The following HCRTR2 variants were observed in gnomAD, a reference collection of about 807,000 sequenced individuals.
HCRTR2 encodes hypocretin receptor 2, also known as orexin receptor type 2.
Under a neutral mutation model 49.0 loss-of-function variants are expected in HCRTR2, and 22 were observed. The observed-to-expected ratio is 0.45, with a 90% CI of 0.32 to 0.64. The LOEUF is 0.64. Ranked by LOEUF, HCRTR2 falls within the 30% of genes least tolerant of loss-of-function variation. The probability of loss-of-function intolerance (pLI) is 0.04; values close to 1 mark genes in which losing one functional copy is unlikely to be tolerated. For missense variants in HCRTR2, 491 were observed against 559.4 expected (o/e 0.88, Z 1.23); for synonymous variants, 236 against 205.3 (o/e 1.15, Z -1.28).
intron 4 of HCRTR2, among the ~76,000 whole-genome samples, chr6:55,275,109 C>T (rs1394898026): frequency 6.6e-6 from 1 of 152,090 alleles, no homozygotes; most frequent in Non-Finnish European, 1.5e-5. Flanking sequence ...TTGCCTCTTC[C>T]TCATAACTTT....
chr6:55,282,104 T>G (rs1767201397), intron 6 of HCRTR2, 121 bp from the exon 7 acceptor site: 1 of 714,938 alleles, frequency 1.4e-6, no homozygotes, highest in African/African-American at 1.8e-5. Flanking sequence ...TACCCATCTT[T>G]GCAAAATATT....
intron 1 of HCRTR2, among the ~76,000 whole-genome samples, chr6:55,189,248 G>A (rs372020904): frequency 1.3e-5 from 2 of 152,124 alleles, no homozygotes; most frequent in Non-Finnish European, 2.9e-5. Context: ...TTCCTAAAGG[G>A]AGATTAATTT....
At chr6:55,126,743 G>A (rs1764284293) in intron 1 of HCRTR2, among the ~76,000 whole-genome samples, 1 of 152,114 alleles carries the variant, frequency 6.6e-6, no homozygotes, top group Non-Finnish European at 1.5e-5. Flanking sequence ...TCCCTGACTG[G>A]GGCTGCTGCC....
At chr6:55,280,834 T>C (rs1767176536) in intron 6 of HCRTR2, among the ~76,000 whole-genome samples, 1 of 152,200 alleles carries the variant, frequency 6.6e-6, no homozygotes, top group Non-Finnish European at 1.5e-5. Context: ...TGGGATCTAT[T>C]CACTTTTAGA....
In HCRTR2 at chr6:55,248,627, T is replaced by A; in HGVS notation, c.224-12T>A. ...TTTGTTGAGTGCCTATTCCTTTTTC[T>A]TTTCAAATTAGTTTGTGTGGCAGTG... On this transcript the variant is annotated splice_polypyrimidine_tract_variant and intron_variant, in intron 1 of 6. Coordinates refer to ENST00000370862, the MANE Select transcript of HCRTR2 (RefSeq NM_001384272.1). 6.2e-7 allele frequency: 1 copy of A among 1,610,404 alleles called. No homozygotes were observed. Among genetic ancestry groups the A allele is most frequent in the Non-Finnish European group, 8.5e-7 (1 of 1,176,814 alleles).
At chr6:55,274,704 A>G (rs1233293629) in intron 4 of HCRTR2, among the ~76,000 whole-genome samples, 1 of 152,144 alleles carries the variant, frequency 6.6e-6, no homozygotes, top group Non-Finnish European at 1.5e-5. Context: ...GATTGAGCAA[A>G]TGGTATTATC....
rs953066505 is a variant in HCRTR2 at position 55,224,136 on chromosome 6, T to C, written c.224-24503T>C. ...GTCAATTCAAAGTGTTGTATTTTCT[T>C]AAATAAATTTTGTTTTATAAACATT... On this transcript the variant is annotated intron_variant, in intron 1 of 6. Coordinates refer to ENST00000370862, the MANE Select transcript of HCRTR2 (RefSeq NM_001384272.1). Among the ~76,000 whole-genome samples, 6 of 152,352 alleles carry C rather than the reference T, an allele frequency of 3.9e-5. No homozygotes were observed. In the South Asian group the frequency reaches 1.2e-3, roughly 32 times the overall value.
chr6:55,164,483 A>G (rs1207601071), intron 1 of HCRTR2, among the ~76,000 whole-genome samples: 1 of 152,202 alleles, frequency 6.6e-6, no homozygotes, highest in Non-Finnish European at 1.5e-5. Flanking sequence ...AGTGACATGA[A>G]TGAAGCTGGA....
Position 55,248,550 on chromosome 6 carries a change from T to C in HCRTR2, c.224-89T>C, listed in dbSNP as rs1766488764. 5 of 1,078,680 alleles carry C rather than the reference T, an allele frequency of 4.6e-6. No individual in the cohort carries two copies. The East Asian group carries it at 1.2e-4, about 26-fold the overall frequency. The allele number at this position is 1,078,680 out of a possible 1,614,324, so 66.8% of individuals were successfully genotyped here. On this transcript the variant is annotated intron_variant, in intron 1 of 6. Coordinates refer to ENST00000370862, the MANE Select transcript of HCRTR2 (RefSeq NM_001384272.1). ...ATTATTTTTCTTTTTAAATACATAT[T>C]TGTGGACTTTATAGAAATACTGACA...
chr6:55,184,063 G>C (rs901381556), intron 1 of HCRTR2, among the ~76,000 whole-genome samples: 1 of 152,028 alleles, frequency 6.6e-6, no homozygotes, highest in Admixed American at 6.5e-5. Flanking sequence ...CAGTAGCTGG[G>C]ACTTCAGACA....
chr6:55,181,764 C>G (rs949204079), intron 1 of HCRTR2, among the ~76,000 whole-genome samples: 8 of 152,096 alleles, frequency 5.3e-5, no homozygotes, highest in Non-Finnish European at 8.8e-5. Context: ...TTTCAAGAGG[C>G]CAGGATGAGG....
chr6:55,222,008 A>G (rs1765907549), intron 1 of HCRTR2, among the ~76,000 whole-genome samples: 1 of 152,136 alleles, frequency 6.6e-6, no homozygotes, highest in Admixed American at 6.5e-5. Flanking sequence ...AAAAGAAAAA[A>G]CAGAGTGTAA....
At chr6:55,245,438 C>T (rs1220899626) in intron 1 of HCRTR2, among the ~76,000 whole-genome samples, 4 of 119,630 alleles carry the variant, frequency 3.3e-5, no homozygotes, top group African/African-American at 1.3e-4. Context: ...TGTATATATA[C>T]CAGTATACAC....
chr6:55,253,157 T>C (rs1317320033), intron 2 of HCRTR2, among the ~76,000 whole-genome samples: 1 of 151,802 alleles, frequency 6.6e-6, no homozygotes. Context: ...AGAATCATAC[T>C]TGATAAGAAT....
At chr6:55,266,930 A>C (rs1052777429) in intron 4 of HCRTR2, among the ~76,000 whole-genome samples, 6 of 152,314 alleles carry the variant, frequency 3.9e-5, no homozygotes, top group African/African-American at 1.4e-4. Flanking sequence ...AATAATCCAC[A>C]TTCTTTTCAT....
intron 1 of HCRTR2, among the ~76,000 whole-genome samples, chr6:55,194,397 A>G (rs977618246): frequency 6.6e-6 from 1 of 152,168 alleles, no homozygotes; most frequent in Admixed American, 6.5e-5. Flanking sequence ...TTAAACACAT[A>G]CTTTTATATT....
chr6:55,236,125 G>A lies in HCRTR2; in HGVS notation c.224-12514G>A, dbSNP rs527261523. Among the ~76,000 whole-genome samples the A allele has an allele frequency of 3.3e-5, 5 of 151,920 alleles. No homozygotes were observed. The East Asian group carries it at 5.8e-4, about 18-fold the overall frequency. On this transcript the variant is annotated intron_variant, in intron 1 of 6. Coordinates refer to ENST00000370862, the MANE Select transcript of HCRTR2 (RefSeq NM_001384272.1). The stretch of plus-strand genomic sequence containing the variant: ...CACAGCCTTACAATACTTATTCTTC[G>A]ATTCCATGAGTAGGGTATATCCCCC...
intron 1 of HCRTR2, among the ~76,000 whole-genome samples, chr6:55,165,743 GAATATATATATATATATATATATATATA>G (rs1338165535): frequency 3.3e-5 from 3 of 90,214 alleles, no homozygotes; most frequent in African/African-American, 5.0e-5. Flanking sequence ...TTAGTATACA[GAATATATATATATATATATATATATATA>G]TATATATATA....
At chr6:55,224,491 T>C (rs1385800165) in intron 1 of HCRTR2, among the ~76,000 whole-genome samples, 1 of 151,278 alleles carries the variant, frequency 6.6e-6, no homozygotes, top group Non-Finnish European at 1.5e-5. Flanking sequence ...GGCATGGTGG[T>C]GGGCGCCTGT....
Sources: gnomAD v4.1 joint callset for allele counts (sites outside exome capture counted in the v4.1 genomes callset) on GRCh38, gnomAD v4.1.1 for gene constraint, MANE v1.5 for transcripts, NCBI Gene and HGNC (gene_info 2026-07-23, HGNC 2026-07-21) for gene names.